Variants in DLG2 observed in about 807,000 individuals in gnomAD.
DLG2 encodes disks large homolog 2.
Under a neutral mutation model 132.5 loss-of-function variants are expected in DLG2, and 45 were observed. The ratio of observed to expected loss-of-function variants is 0.34; its 90% CI spans 0.27 to 0.44. The LOEUF is 0.44. Among genes scored for constraint, DLG2 ranks in the 20% least tolerant of loss-of-function variants. The probability of loss-of-function intolerance (pLI) is 1.00; values close to 1 mark genes in which losing one functional copy is unlikely to be tolerated. For missense variants in DLG2, 1,045 were observed against 1,196.9 expected, an observed-to-expected ratio of 0.87 and a Z score of 1.87; for synonymous variants, 424 against 419.6, an observed-to-expected ratio of 1.01 and a Z score of -0.13.
At chr11:83,501,569 GT>G (rs1297875756) in intron 21 of DLG2, among the ~76,000 whole-genome samples, 4 of 152,152 alleles carry the variant, frequency 2.6e-5, no homozygotes, top group Non-Finnish European at 4.4e-5. Context: ...GATCTCTGAG[GT>G]TTCTTTCATC....
intron 6 of DLG2, among the ~76,000 whole-genome samples, chr11:84,842,784 G>A (rs2080870802): frequency 6.6e-6 from 1 of 151,702 alleles, no homozygotes; most frequent in African/African-American, 2.4e-5. Flanking sequence ...ATGAATATCT[G>A]GACAGATATT....
chr11:84,203,126 G>T (rs1286624907), intron 8 of DLG2, among the ~76,000 whole-genome samples: 2 of 56,224 alleles, frequency 3.6e-5, no homozygotes, highest in Non-Finnish European at 8.5e-5. Context: ...TATACCAAAA[G>T]AAATATAAAA....
At chr11:83,920,266 C>A (rs2077619684) in intron 15 of DLG2, among the ~76,000 whole-genome samples, 1 of 152,100 alleles carries the variant, frequency 6.6e-6, no homozygotes, top group South Asian at 2.1e-4. Flanking sequence ...CTTTAAAAGC[C>A]CTCTTCAAGA....
chr11:84,125,039 G>A (rs1394833756), intron 9 of DLG2, among the ~76,000 whole-genome samples: 4 of 151,700 alleles, frequency 2.6e-5, no homozygotes, highest in African/African-American at 7.3e-5. Flanking sequence ...CAGTAGAGAC[G>A]GAGTTTCTCT....
At chr11:84,371,204 TAACAC>T (rs1005901448) in intron 7 of DLG2, among the ~76,000 whole-genome samples, 21 of 151,512 alleles carry the variant, frequency 1.4e-4, no homozygotes, top group African/African-American at 5.1e-4. Flanking sequence ...AGAAGTCAGA[TAACAC>T]AAATCTCTTT....
intron 7 of DLG2, among the ~76,000 whole-genome samples, chr11:84,440,637 C>A (rs1286040539): frequency 6.6e-6 from 1 of 152,138 alleles, no homozygotes; most frequent in Non-Finnish European, 1.5e-5. Flanking sequence ...CATTTTCCAT[C>A]TGTATATAAT....
intron 7 of DLG2, among the ~76,000 whole-genome samples, chr11:84,323,796 G>A (rs939782087): frequency 1.4e-5 from 2 of 141,202 alleles, no homozygotes; most frequent in African/African-American, 5.3e-5. Context: ...TTAAATTCAC[G>A]TTTCCAAGAC....
intron 5 of DLG2, among the ~76,000 whole-genome samples, chr11:85,114,610 T>C (rs951822175): frequency 1.3e-5 from 2 of 151,988 alleles, no homozygotes; most frequent in African/African-American, 4.8e-5. Context: ...ACAGACAGGT[T>C]GATGTCTCCA....
chr11:84,064,131 CAAAA>C (rs1463938381), intron 10 of DLG2, among the ~76,000 whole-genome samples: 1 of 150,674 alleles, frequency 6.6e-6, no homozygotes, highest in African/African-American at 2.4e-5. Flanking sequence ...ATATATATAA[CAAAA>C]AAATTTTTCC....
chr11:83,586,408 G>T (rs1184194610), intron 19 of DLG2, among the ~76,000 whole-genome samples: 4 of 152,212 alleles, frequency 2.6e-5, no homozygotes, highest in Non-Finnish European at 5.9e-5. Context: ...AGGTGACTGG[G>T]TCAATTATTT....
At chr11:84,357,961 C>A (rs1016576602) in intron 7 of DLG2, among the ~76,000 whole-genome samples, 1 of 151,642 alleles carries the variant, frequency 6.6e-6, no homozygotes, top group Non-Finnish European at 1.5e-5. Flanking sequence ...ATATACCTAC[C>A]TGGAAACAGA....
intron 3 of DLG2, among the ~76,000 whole-genome samples, chr11:85,506,601 T>A (rs1436816656): frequency 6.6e-6 from 1 of 152,240 alleles, no homozygotes; most frequent in Non-Finnish European, 1.5e-5. Flanking sequence ...ATCATTTCTG[T>A]TCTTTTACAT....
intron 7 of DLG2, among the ~76,000 whole-genome samples, chr11:84,477,635 C>T (rs566880608): frequency 5.3e-5 from 8 of 152,218 alleles, no homozygotes; most frequent in Non-Finnish European, 7.4e-5. Flanking sequence ...CAAATGCATA[C>T]GCCTATTTTG....
chr11:84,750,199 G>A (rs192146131), intron 6 of DLG2, among the ~76,000 whole-genome samples: 227 of 151,990 alleles, frequency 1.5e-3, no homozygotes, highest in African/African-American at 5.2e-3. Flanking sequence ...ACATGTGCAC[G>A]ATATTCAGGC....
At chr11:83,639,820 C>T (rs1346169187) in intron 18 of DLG2, among the ~76,000 whole-genome samples, 1 of 150,874 alleles carries the variant, frequency 6.6e-6, no homozygotes, top group Non-Finnish European at 1.5e-5. Context: ...TGTTAGAAGG[C>T]CAGCTTTTAG....
chr11:85,324,741 G>A (rs2081320969), intron 3 of DLG2, among the ~76,000 whole-genome samples: 1 of 145,180 alleles, frequency 6.9e-6, no homozygotes, highest in Non-Finnish European at 1.5e-5. Context: ...TGTGCTTAAA[G>A]AAGAAAAAGA....
At chr11:84,655,830 T>C (rs2099687571) in intron 6 of DLG2, among the ~76,000 whole-genome samples, 1 of 151,980 alleles carries the variant, frequency 6.6e-6, no homozygotes, top group Non-Finnish European at 1.5e-5. Context: ...TTACTCTTAA[T>C]TTCTATCAGG....
At chr11:84,446,255 T>G (rs539809932) in intron 7 of DLG2, among the ~76,000 whole-genome samples, 2 of 152,128 alleles carry the variant, frequency 1.3e-5, no homozygotes, top group Non-Finnish European at 2.9e-5. Flanking sequence ...ATCTATCATG[T>G]TCTGTTTTTA....
intron 7 of DLG2, among the ~76,000 whole-genome samples, chr11:84,352,518 A>G (rs1208556392): frequency 1.3e-5 from 2 of 152,162 alleles, no homozygotes; most frequent in East Asian, 3.8e-4. Flanking sequence ...ATTTCCCAGA[A>G]TTTTGTTTCC....
Sources: gnomAD v4.1 joint callset for allele counts (sites outside exome capture counted in the v4.1 genomes callset) on GRCh38, gnomAD v4.1.1 for gene constraint, MANE v1.5 for transcripts, NCBI Gene and HGNC (gene_info 2026-07-23, HGNC 2026-07-21) for gene names.